The following SLC22A7 variants were observed in gnomAD, a reference collection of about 807,000 sequenced individuals.
SLC22A7 encodes hOAT2.
In SLC22A7, 48 loss-of-function variants were observed where a neutral mutation model predicts 62.2. The observed-to-expected ratio is 0.77, with a 90% CI of 0.61 to 0.98. The LOEUF is 0.98. SLC22A7 is among the 50% of genes least tolerant of loss of function. SLC22A7 has a pLI of 0.00. For synonymous variants in SLC22A7, 276 were observed against 314.8 expected (o/e 0.88, Z 1.30); for missense variants, 581 against 703.8 (o/e 0.83, Z 1.97).
At chr6:43,300,281 ACAGAGAGT>A in intron 5 of SLC22A7, 1 of 601,890 alleles carries the variant, frequency 1.7e-6, no homozygotes. Context: ...AGAACAAGAT[ACAGAGAGT>A]CAGAGATAAA....
chr6:43,299,318 G>T lies in SLC22A7; in HGVS notation c.400-72G>T. The T allele has an allele frequency of 1.2e-6, 2 of 1,608,736 alleles. No individual in the cohort carries two copies. The highest frequency in any genetic ancestry group is 1.3e-5 in the African/African-American group (1 of 74,904). On this transcript the variant is annotated intron_variant, in intron 2 of 10. Transcript: ENST00000372585. The surrounding 1 kb of genome is among the most constrained non-coding windows in gnomAD (Gnocchi z 4.4). ...TCGCCTCAGAAGGCTCCAGGGTCTG[G>T]AGAGGAGGAGCTGGTGCCTGCTGGA...
At chr6:43,303,055 G>A in intron 9 of SLC22A7, 1 of 921,378 alleles carries the variant, frequency 1.1e-6, no homozygotes, top group Non-Finnish European at 1.3e-6. Context: ...AGAATACAGA[G>A]CTAATCAGGG....
At chr6:43,298,238 C>A, upstream of SLC22A7, 2 of 888,118 alleles carry the variant, frequency 2.3e-6, no homozygotes, top group South Asian at 1.8e-5. Flanking sequence ...TGGATTCTGG[C>A]TGCAGGCTCT....
intron 9 of SLC22A7, among the ~76,000 whole-genome samples, chr6:43,303,513 C>A (rs571316948): frequency 8.2e-4 from 122 of 148,724 alleles, no homozygotes; most frequent in African/African-American, 3.0e-3. Context: ...AAGAAGAAAA[C>A]AGCCCCAAGA....
Position 43,302,048 on chromosome 6 carries a change from A to C in SLC22A7, c.1062-152A>C. 1 of 667,940 alleles carries C rather than the reference A, an allele frequency of 1.5e-6. No homozygotes were observed. The highest frequency in any genetic ancestry group is 2.6e-6 in the Non-Finnish European group (1 of 388,118). The allele number at this position is 667,940 out of a possible 1,614,324, so 41.4% of individuals were successfully genotyped here. A position where few individuals can be genotyped will look rare whatever the true frequency, so the allele number is the denominator to read the frequency against. On this transcript the variant is annotated intron_variant, in intron 7 of 10. Transcript: ENST00000372585. This position sits in a 1 kb window ranked among gnomAD's most constrained non-coding sequence, Gnocchi z 5.0. ...TACTGGCGCATGCTGCACAGAGGGC[A>C]TTATGGATGTCAGGGAAGGTCCTGG...
upstream of SLC22A7, among the ~76,000 whole-genome samples, chr6:43,296,428 G>A (rs1041457710): frequency 2.0e-5 from 3 of 152,254 alleles, no homozygotes; most frequent in Admixed American, 1.3e-4. Context: ...ATGGGACATG[G>A]AGATGGGGTG....
chr6:43,298,910 T>C (rs1778633506), intron 1 of SLC22A7, among the ~76,000 whole-genome samples, 159 bp downstream of exon 1: 1 of 152,212 alleles, frequency 6.6e-6, no homozygotes, highest in Non-Finnish European at 1.5e-5. Context: ...TTTTAGTTCA[T>C]GGCTTGTAGT....
rs567526565 is a variant in SLC22A7, at chr6:43,299,164, G to T, written c.399+67G>T. On this transcript the variant is annotated intron_variant, in intron 2 of 10. Transcript: ENST00000372585. The surrounding 1 kb of genome is among the most constrained non-coding windows in gnomAD (Gnocchi z 4.4). ...GAGGCAGTCTCCCTGGGAGGCAGCA[G>T]GTCGAGGCCTTCCTTGGGAAGAAGC... The T allele has an allele frequency of 1.4e-5, 23 of 1,614,220 alleles. No homozygotes were observed. Among genetic ancestry groups the T allele is most frequent in the Middle Eastern group, 1.6e-4 (1 of 6,062 alleles).
upstream of SLC22A7, among the ~76,000 whole-genome samples, chr6:43,297,478 G>A (rs183534033): frequency 1.3e-5 from 2 of 152,314 alleles, no homozygotes; most frequent in Admixed American, 1.3e-4. Flanking sequence ...GGGTCAGATT[G>A]AACATTTGAG....
upstream of SLC22A7, among the ~76,000 whole-genome samples, chr6:43,297,200 C>T (rs1278151507): frequency 6.6e-6 from 1 of 152,186 alleles, no homozygotes; most frequent in Non-Finnish European, 1.5e-5. Context: ...ACTGGGACAT[C>T]ACCAGCTCAG....
chr6:43,302,797 G>A lies in SLC22A7; in HGVS notation c.1385+34G>A. ...GCCTGCAACTGATCTGGGGGTATGG[G>A]GCTTGTTAGTCACGTGTCTTAACCA... On this transcript the variant is annotated intron_variant, in intron 9 of 10. Coordinates refer to ENST00000372585, the MANE Select transcript of SLC22A7 (RefSeq NM_153320.2). The surrounding 1 kb of genome is among the most constrained non-coding windows in gnomAD (Gnocchi z 5.0). 1 of 1,407,226 alleles carries A rather than the reference G, an allele frequency of 7.1e-7. No homozygotes were observed. Among genetic ancestry groups the A allele is most frequent in the Admixed American group, 1.8e-5 (1 of 55,728 alleles). The allele number at this position is 1,407,226 out of a possible 1,614,324, so 87.2% of individuals were successfully genotyped here. A position where few individuals can be genotyped will look rare whatever the true frequency, so the allele number is the denominator to read the frequency against.
intron 5 of SLC22A7, 130 bp from the exon 6 acceptor site, chr6:43,301,005 A>C: frequency 3.5e-6 from 4 of 1,145,420 alleles, no homozygotes; most frequent in Non-Finnish European, 3.8e-6. Context: ...GGGCTTGGGG[A>C]GGAGATGATG....
In SLC22A7 at chr6:43,302,785, C is replaced by G. The variant is rs763256068; in HGVS notation, c.1385+22C>G. On this transcript the variant is annotated intron_variant, in intron 9 of 10. Transcript: ENST00000372585. This position sits in a 1 kb window ranked among gnomAD's most constrained non-coding sequence, Gnocchi z 5.0. Reference sequence around the variant, plus strand: ...TCAGGTGAGGAAGCCTGCAACTGATCTGGGGGTATGGGGCTTGTTAGTCAC... The same window carrying G: ...TCAGGTGAGGAAGCCTGCAACTGATGTGGGGGTATGGGGCTTGTTAGTCAC... 2 of 1,512,650 alleles carry G rather than the reference C, an allele frequency of 1.3e-6. No homozygotes were observed. The highest frequency in any genetic ancestry group is 1.7e-5 in the Admixed American group (1 of 57,418). The allele number at this position is 1,512,650 out of a possible 1,614,324, so 93.7% of individuals were successfully genotyped here.
At chr6:43,304,340 A>G (rs762297774) in intron 10 of SLC22A7, 96 bp downstream of exon 10, 6 of 1,068,560 alleles carry the variant, frequency 5.6e-6, no homozygotes, top group Non-Finnish European at 6.5e-6. Context: ...ACAGGAAACT[A>G]TATCTGCACA....
In SLC22A7 at chr6:43,302,603, C is replaced by A. The variant is rs1205683946; in HGVS notation, c.1277-52C>A. 3.6e-6 allele frequency: 5 copies of A among 1,399,350 alleles called. No individual in the cohort carries two copies. The highest frequency in any genetic ancestry group is 1.2e-5 in the South Asian group (1 of 81,694). The allele number at this position is 1,399,350 out of a possible 1,614,324, so 86.7% of individuals were successfully genotyped here. On this transcript the variant is annotated intron_variant, in intron 8 of 10. Transcript: ENST00000372585. This position sits in a 1 kb window ranked among gnomAD's most constrained non-coding sequence, Gnocchi z 5.0. ...GAGACTCCGCACCCTATCCAGAACA[C>A]CCCTGGCTCTCCTCCAAGGCCCTCT...
At chr6:43,300,296 TAA>T in intron 5 of SLC22A7, 1 of 584,652 alleles carries the variant, frequency 1.7e-6, no homozygotes, top group South Asian at 2.1e-5. Flanking sequence ...GAGTCAGAGA[TAA>T]AGACAGAGCC....
chr6:43,301,716 G>A (rs775466419), intron 7 of SLC22A7, 24 bp downstream of exon 7: 1 of 1,570,270 alleles, frequency 6.4e-7, no homozygotes, highest in South Asian at 1.1e-5. Context: ...CTTGGGTCTG[G>A]CATGGGTGTG....
In SLC22A7 at chr6:43,299,001, G is replaced by A. The variant is rs1778636982; in HGVS notation, c.394-91G>A. On this transcript the variant is annotated intron_variant, in intron 1 of 10. Transcript: ENST00000372585. The surrounding 1 kb of genome is among the most constrained non-coding windows in gnomAD (Gnocchi z 4.4). ...GCAGGGAAGGGCTAAAGTGGCTTCAGGGAGTTGAGACAAAGAGCTGAGAAG... is the reference window on the plus strand; with the variant it reads ...GCAGGGAAGGGCTAAAGTGGCTTCAAGGAGTTGAGACAAAGAGCTGAGAAG... The A allele has an allele frequency of 2.3e-6, 3 of 1,330,710 alleles. No homozygotes were observed. Among genetic ancestry groups the A allele is most frequent in the Non-Finnish European group, 3.1e-6 (3 of 961,814 alleles). The allele number at this position is 1,330,710 out of a possible 1,614,324, so 82.4% of individuals were successfully genotyped here.
In SLC22A7 at chr6:43,301,749, A is replaced by C. The variant is rs1309314527; in HGVS notation, c.1061+57A>C. 3 of 1,288,540 alleles carry C rather than the reference A, an allele frequency of 2.3e-6. No homozygotes were observed. In the African/African-American group the frequency reaches 4.4e-5, roughly 19 times the overall value. The allele number at this position is 1,288,540 out of a possible 1,614,324, so 79.8% of individuals were successfully genotyped here. A position where few individuals can be genotyped will look rare whatever the true frequency, so the allele number is the denominator to read the frequency against. On this transcript the variant is annotated intron_variant, in intron 7 of 10. Transcript: ENST00000372585. ...GTGGTGGGAGGGAGGAGCAAACTCC[A>C]GGCTGGTGCTGAGTGTGAGAAGGGC...
Sources: allele counts gnomAD v4.1 joint callset (sites outside exome capture counted in the v4.1 genomes callset), GRCh38; gene constraint gnomAD v4.1.1; non-coding constraint Gnocchi (gnomAD v3.1); transcripts MANE v1.5; gene names NCBI Gene and HGNC (gene_info 2026-07-23, HGNC 2026-07-21).